Variants in FOXN3 observed in about 807,000 individuals in gnomAD.
FOXN3 encodes forkhead box protein N3.
A neutral mutation model predicts 38.4 loss-of-function variants in FOXN3; 7 were observed. That is an observed-to-expected ratio of 0.18 (90% CI 0.10 to 0.34). The LOEUF is 0.34. Among genes scored for constraint, FOXN3 ranks in the 10% least tolerant of loss-of-function variants. The probability of loss-of-function intolerance (pLI) is 1.00; values close to 1 mark genes in which losing one functional copy is unlikely to be tolerated. For synonymous variants in FOXN3, 230 were observed against 242.2 expected (o/e 0.95, Z 0.47); for missense variants, 456 against 613.4 (o/e 0.74, Z 2.71).
intron 1 of FOXN3, among the ~76,000 whole-genome samples, chr14:89,529,676 A>C (rs1004224547): frequency 6.6e-6 from 1 of 151,872 alleles, no homozygotes; most frequent in Non-Finnish European, 1.5e-5. Context: ...TGATTAACTG[A>C]ATATTCTAGA....
chr14:89,366,296 C>T (rs1017540670), intron 2 of FOXN3, among the ~76,000 whole-genome samples: 2 of 151,632 alleles, frequency 1.3e-5, no homozygotes, highest in Non-Finnish European at 2.9e-5. Flanking sequence ...AAAAAACATG[C>T]ACATTTGAAA....
chr14:89,462,894 C>T (rs1892877029), intron 1 of FOXN3, among the ~76,000 whole-genome samples: 1 of 150,036 alleles, frequency 6.7e-6, no homozygotes, highest in South Asian at 2.1e-4. Flanking sequence ...CCATGTTAGC[C>T]AGGATGGTCT....
At chr14:89,612,330 T>TC (rs1294439058) in intron 1 of FOXN3, among the ~76,000 whole-genome samples, 1 of 152,084 alleles carries the variant, frequency 6.6e-6, no homozygotes, top group Non-Finnish European at 1.5e-5. Context: ...CTGCCACACT[T>TC]CCCCAGAAGT....
At chr14:89,336,236 A>ATCCATCCATCCATCCC in intron 3 of FOXN3, among the ~76,000 whole-genome samples, 1 of 150,222 alleles carries the variant, frequency 6.7e-6, no homozygotes, top group Admixed American at 6.7e-5. Context: ...CCATCCATCC[A>ATCCATCCATCCATCCC]TCCATCCATC....
At chr14:89,559,173 T>G (rs1431258053) in intron 1 of FOXN3, among the ~76,000 whole-genome samples, 3 of 149,480 alleles carry the variant, frequency 2.0e-5, no homozygotes, top group East Asian at 4.0e-4. Context: ...AAGACCAGCC[T>G]GGGCAATATA....
At chr14:89,529,834 A>G (rs1279654148) in intron 1 of FOXN3, among the ~76,000 whole-genome samples, 1 of 152,068 alleles carries the variant, frequency 6.6e-6, no homozygotes, top group East Asian at 1.9e-4. Flanking sequence ...TGAGCCCAGG[A>G]GTATGTGAAG....
At chr14:89,466,191 T>C (rs1039139257) in intron 1 of FOXN3, among the ~76,000 whole-genome samples, 3 of 152,182 alleles carry the variant, frequency 2.0e-5, no homozygotes, top group African/African-American at 7.2e-5. Context: ...TTCCTTTTCA[T>C]CTCTTTTCCA....
chr14:89,169,276 A>T (rs1887324417), intron 5 of FOXN3, among the ~76,000 whole-genome samples: 1 of 152,058 alleles, frequency 6.6e-6, no homozygotes, highest in Non-Finnish European at 1.5e-5. Context: ...CCCCATCTCT[A>T]CAAAAATGCA....
chr14:89,587,028 C>T (rs1895855576), intron 1 of FOXN3, among the ~76,000 whole-genome samples: 1 of 152,212 alleles, frequency 6.6e-6, no homozygotes, highest in African/African-American at 2.4e-5. Context: ...CTGGCTTGCA[C>T]AATTACAGGG....
Position 89,367,998 on chromosome 14 carries a change from G to A in FOXN3, c.544-17190C>T, listed in dbSNP as rs140549752. Reference sequence around the variant, plus strand: ...GTAGGAGCTGCTGACCTCGGCAGGTGTGTGTCTACCTCAGAAACTGCTGAG... The same window carrying A: ...GTAGGAGCTGCTGACCTCGGCAGGTATGTGTCTACCTCAGAAACTGCTGAG... On this transcript the variant is annotated intron_variant, in intron 2 of 5. Coordinates refer to ENST00000557258, the MANE Select transcript of FOXN3 (RefSeq NM_005197.4). Among the ~76,000 whole-genome samples the A allele has an allele frequency of 2.5e-3, 376 of 152,298 alleles. 3 individuals carry two copies. Among genetic ancestry groups the A allele is most frequent in the African/African-American group, 8.8e-3 (366 of 41,558 alleles).
chr14:89,350,173 A>G (rs1888912329), intron 3 of FOXN3: 1 of 152,244 alleles, frequency 6.6e-6, no homozygotes, highest in Non-Finnish European at 1.5e-5. Flanking sequence ...TATTGTTTCT[A>G]CTGTTCTCCT....
chr14:89,402,973 A>G (rs1050942904), intron 2 of FOXN3, among the ~76,000 whole-genome samples: 1 of 152,196 alleles, frequency 6.6e-6, no homozygotes, highest in African/African-American at 2.4e-5. Context: ...AAGTGAACAT[A>G]AGGAATATTC....
At chr14:89,416,087 G>A (rs1257087770) in intron 1 of FOXN3, among the ~76,000 whole-genome samples, 1 of 152,210 alleles carries the variant, frequency 6.6e-6, no homozygotes, top group African/African-American at 2.4e-5. Context: ...CCGAGCAGTA[G>A]CGAGTTTGGG....
At chr14:89,474,460 A>T (rs866718080) in intron 1 of FOXN3, among the ~76,000 whole-genome samples, 1 of 152,246 alleles carries the variant, frequency 6.6e-6, no homozygotes, top group Non-Finnish European at 1.5e-5. Flanking sequence ...CCACTTGGTT[A>T]TAATAGTCAA....
At position 89,162,755 on chromosome 14, in the gene FOXN3, C is replaced by T. The variant is rs767792979; in HGVS notation, c.1066G>A (p.Glu356Lys). 7.4e-6 allele frequency: 12 copies of T among 1,613,220 alleles called. No homozygotes were observed. The highest frequency in any genetic ancestry group is 4.4e-5 in the South Asian group (4 of 91,058). ...FATKGSQEGS[E>K]GSEGSFRSHE... is the part of the protein sequence containing the mutation. ...CTCCGGAAGCTCCCCTCGCTGCCCT[C>T]GCTGCCCTCCTGGCTCCCCTTGGTG... The change falls in exon 6 of 6, where the codon GAG becomes AAG. Residue 356 changes from glutamate to lysine, a missense_variant. This residue lies in a region of FOXN3 where 386 missense variants were observed against 505.2 expected (regional missense o/e 0.76). Transcript: ENST00000557258. This position sits in a 1 kb window ranked among gnomAD's most constrained non-coding sequence, Gnocchi z 7.2.
At chr14:89,186,903 C>T (rs111435335) in intron 4 of FOXN3, among the ~76,000 whole-genome samples, 8 of 152,290 alleles carry the variant, frequency 5.3e-5, no homozygotes, top group East Asian at 1.9e-4. Context: ...TGGGGCAACA[C>T]GGACCCTCCA....
intron 4 of FOXN3, among the ~76,000 whole-genome samples, chr14:89,242,868 C>T (rs564150119): frequency 1.3e-5 from 2 of 152,302 alleles, no homozygotes; most frequent in South Asian, 2.1e-4. Context: ...AAAACACTCT[C>T]GTGAAAGAGC....
chr14:89,399,270 C>A (rs1464245307), intron 2 of FOXN3, among the ~76,000 whole-genome samples: 1 of 152,180 alleles, frequency 6.6e-6, no homozygotes, highest in Non-Finnish European at 1.5e-5. Flanking sequence ...ATCACAGGGA[C>A]TGGCACCAAC....
chr14:89,216,987 GC>G (rs1199982775), intron 4 of FOXN3, among the ~76,000 whole-genome samples: 1 of 152,120 alleles, frequency 6.6e-6, no homozygotes, highest in African/African-American at 2.4e-5. Context: ...CCCCAGCCTG[GC>G]CCTATGCTGT....
Sources: gnomAD v4.1 joint callset for allele counts (sites outside exome capture counted in the v4.1 genomes callset) on GRCh38, gnomAD v4.1.1 for gene constraint, gnomAD v4.1.1 regional missense constraint, Gnocchi (gnomAD v3.1) non-coding constraint, MANE v1.5 for transcripts, NCBI Gene and HGNC (gene_info 2026-07-23, HGNC 2026-07-21) for gene names.